Variants in SOX5 observed in about 807,000 individuals in gnomAD.
The protein encoded by SOX5 is SRY-box transcription factor 5, also known as transcription factor SOX-5.
Under a neutral mutation model 92.0 loss-of-function variants are expected in SOX5, and 9 were observed. That is an observed-to-expected ratio of 0.10 (90% CI 0.06 to 0.17). SOX5 has a LOEUF of 0.17. SOX5 is among the 10% of genes least tolerant of loss of function. The pLI is 1.00. For missense variants in SOX5, 642 were observed against 944.5 expected, an observed-to-expected ratio of 0.68 and a Z score of 4.20; for synonymous variants, 344 against 336.3, an observed-to-expected ratio of 1.02 and a Z score of -0.25.
Position 23,997,850 on chromosome 12 carries a change from G to A in SOX5, c.-1-101826C>T, listed in dbSNP as rs111306287. Among the ~76,000 whole-genome samples, 758 of 152,218 alleles carry A rather than the reference G, an allele frequency of 5.0e-3. 5 individuals carry two copies. The highest frequency in any genetic ancestry group is 0.017 in the African/African-American group (697 of 41,536). On this transcript the variant is annotated intron_variant, in intron 4 of 4. Transcript: ENST00000446891. The stretch of plus-strand genomic sequence containing the variant: ...ATTTTTCTATAAAAAGAAACATTAG[G>A]CAGAGACATCAGTTATACCCATTAG...
chr12:23,838,384 G>C (rs552753363), intron 3 of SOX5, among the ~76,000 whole-genome samples: 1 of 151,120 alleles, frequency 6.6e-6, no homozygotes, highest in African/African-American at 2.4e-5. Context: ...TTAAATAAAC[G>C]TTCTTGTCAT....
In SOX5 at chr12:24,464,609, G is replaced by C. The variant is rs1944021298; in HGVS notation, c.-250-95970C>G. ...ACCCGCCTCGGCCTCCCAAAGTGCT[G>C]GGATTACAGGCGTGAGCCACCGCAC... is the stretch of plus-strand genomic sequence containing the variant. On this transcript the variant is annotated intron_variant, in intron 1 of 4. Transcript: ENST00000446891. Among the ~76,000 whole-genome samples, 3 of 152,158 alleles carry C rather than the reference G, an allele frequency of 2.0e-5. No homozygotes were observed. The South Asian group carries it at 6.2e-4, about 32-fold the overall frequency.
At chr12:24,436,956 G>C (rs1234680844) in intron 1 of SOX5, among the ~76,000 whole-genome samples, 2 of 152,170 alleles carry the variant, frequency 1.3e-5, no homozygotes, top group Non-Finnish European at 2.9e-5. Flanking sequence ...CTGCAGGACA[G>C]CACATCTTTT....
chr12:24,446,528 A>G (rs563857962), intron 1 of SOX5, among the ~76,000 whole-genome samples: 1 of 152,258 alleles, frequency 6.6e-6, no homozygotes, highest in South Asian at 2.1e-4. Flanking sequence ...GATCAGAGAG[A>G]TGAGCAAGAA....
At chr12:23,554,816 T>C (rs1944834369) in intron 11 of SOX5, among the ~76,000 whole-genome samples, 1 of 152,160 alleles carries the variant, frequency 6.6e-6, no homozygotes, top group Non-Finnish European at 1.5e-5. Context: ...ATTGGTAAAA[T>C]AGCTTGCAAT....
At chr12:23,808,115 AT>A (rs1211132575) in intron 3 of SOX5, among the ~76,000 whole-genome samples, 1 of 25,530 alleles carries the variant, frequency 3.9e-5, no homozygotes, top group Non-Finnish European at 8.2e-5. Context: ...CAGAATTCTG[AT>A]ATATATATAT....
chr12:23,618,944 A>T (rs1306145952), intron 8 of SOX5, among the ~76,000 whole-genome samples: 1 of 152,192 alleles, frequency 6.6e-6, no homozygotes, highest in East Asian at 1.9e-4. Flanking sequence ...GCCAAGGGTT[A>T]AAGGCTTCAA....
intron 3 of SOX5, chr12:23,762,380 G>T (rs1248139873): frequency 2.2e-5 from 8 of 367,076 alleles, no homozygotes; most frequent in African/African-American, 4.2e-5. Context: ...CCACACTCCT[G>T]CCTGGGCAAT....
intron 1 of SOX5, among the ~76,000 whole-genome samples, chr12:24,512,117 T>C (rs1949379054): frequency 6.6e-6 from 1 of 152,072 alleles, no homozygotes; most frequent in African/African-American, 2.4e-5. Flanking sequence ...AAGAAAAAAA[T>C]CTTAAATTCT....
intron 8 of SOX5, among the ~76,000 whole-genome samples, chr12:23,612,436 T>A (rs2076079975): frequency 6.6e-6 from 1 of 152,114 alleles, no homozygotes; most frequent in Admixed American, 6.6e-5. Flanking sequence ...CACTCAAAAA[T>A]AAATAGCTGT....
intron 4 of SOX5, among the ~76,000 whole-genome samples, chr12:23,751,745 T>G (rs1019256393): frequency 6.6e-6 from 1 of 151,912 alleles, no homozygotes; most frequent in Non-Finnish European, 1.5e-5. Context: ...TGTTTGGTGT[T>G]TGCCTTTATA....
chr12:24,166,604 C>A (rs1187461220), intron 4 of SOX5, among the ~76,000 whole-genome samples: 1 of 152,078 alleles, frequency 6.6e-6, no homozygotes, highest in East Asian at 1.9e-4. Flanking sequence ...TCTATAGCAC[C>A]TCTTCTTTCT....
chr12:23,764,860 G>T (rs1441254172), intron 3 of SOX5, among the ~76,000 whole-genome samples: 4 of 151,962 alleles, frequency 2.6e-5, no homozygotes, highest in Admixed American at 6.6e-5. Flanking sequence ...CATACAGCCT[G>T]ATAAAGCACT....
chr12:23,662,084 G>C (rs568243798), intron 7 of SOX5, among the ~76,000 whole-genome samples: 1 of 151,804 alleles, frequency 6.6e-6, no homozygotes, highest in Non-Finnish European at 1.5e-5. Flanking sequence ...TTAAACCAGT[G>C]TTTTCATGTA....
intron 3 of SOX5, among the ~76,000 whole-genome samples, chr12:24,239,207 C>T (rs1339368713): frequency 6.6e-6 from 1 of 152,106 alleles, no homozygotes; most frequent in African/African-American, 2.4e-5. Context: ...AGCATTCTTA[C>T]CAAATAATAA....
intron 1 of SOX5, among the ~76,000 whole-genome samples, chr12:24,538,468 T>C (rs888877644): frequency 6.6e-6 from 1 of 152,072 alleles, no homozygotes; most frequent in Non-Finnish European, 1.5e-5. Context: ...CCCTGAAGAT[T>C]TCAGTTCAAG....
At chr12:23,596,111 T>C (rs985531862) in intron 9 of SOX5, among the ~76,000 whole-genome samples, 1 of 152,194 alleles carries the variant, frequency 6.6e-6, no homozygotes, top group African/African-American at 2.4e-5. Context: ...AAATGTCTTA[T>C]ACATTTTATC....
intron 4 of SOX5, among the ~76,000 whole-genome samples, chr12:24,157,890 TC>T (rs1427423623): frequency 1.3e-5 from 2 of 152,024 alleles, no homozygotes; most frequent in African/African-American, 4.8e-5. Flanking sequence ...CTTTTACACT[TC>T]CTTTGTCTCT....
intron 3 of SOX5, among the ~76,000 whole-genome samples, chr12:24,221,290 C>A (rs868053535): frequency 6.6e-6 from 1 of 152,188 alleles, no homozygotes; most frequent in Non-Finnish European, 1.5e-5. Flanking sequence ...ACTCCTCCTT[C>A]TTCCTTTCCT....
Sources: allele counts gnomAD v4.1 joint callset (sites outside exome capture counted in the v4.1 genomes callset), GRCh38; gene constraint gnomAD v4.1.1; transcripts MANE v1.5; gene names NCBI Gene and HGNC (gene_info 2026-07-23, HGNC 2026-07-21).